The following MAP2K5 variants were observed in gnomAD, a reference collection of about 807,000 sequenced individuals.
The protein encoded by MAP2K5 is dual specificity mitogen-activated protein kinase kinase 5.
A neutral mutation model predicts 83.1 loss-of-function variants in MAP2K5; 49 were observed. That is an observed-to-expected ratio of 0.59 (90% CI 0.47 to 0.75). The LOEUF (loss-of-function observed/expected upper bound fraction) is 0.75, where lower values mean the gene tolerates loss of function less well. Among genes scored for constraint, MAP2K5 ranks in the 30% least tolerant of loss-of-function variants. The pLI, the probability that MAP2K5 is intolerant of heterozygous loss-of-function variation, is 0.00. For synonymous variants in MAP2K5, 202 were observed against 191.8 expected, an observed-to-expected ratio of 1.05 and a Z score of -0.44; for missense variants, 457 against 557.5, an observed-to-expected ratio of 0.82 and a Z score of 1.82.
In MAP2K5 at chr15:67,748,653, G is replaced by A; in HGVS notation, c.1134+52G>A. The A allele has an allele frequency of 6.4e-7, 1 of 1,560,122 alleles. No homozygotes were observed. The highest frequency in any genetic ancestry group is 8.8e-7 in the Non-Finnish European group (1 of 1,135,912). Reference sequence around the variant, plus strand: ...CTCCTAAAGTCATTCCTAATGGTGTGGAAAGCTTATATTTTGTTTCCTAAT... The same window carrying A: ...CTCCTAAAGTCATTCCTAATGGTGTAGAAAGCTTATATTTTGTTTCCTAAT... On this transcript the variant is annotated intron_variant, in intron 19 of 21. Coordinates refer to ENST00000178640, the MANE Select transcript of MAP2K5 (RefSeq NM_145160.3). The surrounding 1 kb of genome is among the most constrained non-coding windows in gnomAD (Gnocchi z 4.0).
At position 67,748,326 on chromosome 15, in the gene MAP2K5, G is replaced by A; in HGVS notation, c.1101+69G>A. 3 of 1,328,712 alleles carry A rather than the reference G, an allele frequency of 2.3e-6. No individual in the cohort carries two copies. Among genetic ancestry groups the A allele is most frequent in the Non-Finnish European group, 2.2e-6 (2 of 925,874 alleles). 82.3% of individuals were successfully genotyped at this position (1,328,712 alleles called of 1,614,324 possible). On this transcript the variant is annotated intron_variant, in intron 18 of 21. Transcript: ENST00000178640. This position sits in a 1 kb window ranked among gnomAD's most constrained non-coding sequence, Gnocchi z 4.0. Reference sequence around the variant, plus strand: ...TGATGGCTGCTTCCTTTGCATGCTTGAATGCCTTGTTTTAAACTTAGCAAA... The same window carrying A: ...TGATGGCTGCTTCCTTTGCATGCTTAAATGCCTTGTTTTAAACTTAGCAAA...
intron 9 of MAP2K5, among the ~76,000 whole-genome samples, chr15:67,631,500 T>C (rs1297366476): frequency 1.3e-5 from 2 of 152,316 alleles, no homozygotes; most frequent in East Asian, 3.9e-4. Context: ...TCTTGCTGAC[T>C]GCCTTCCTCA....
chr15:67,614,408 T>G (rs1012932394), intron 8 of MAP2K5, among the ~76,000 whole-genome samples: 11 of 152,216 alleles, frequency 7.2e-5, no homozygotes, highest in Admixed American at 5.2e-4. Context: ...TCCCAGAAAC[T>G]GTGAGCAAAG....
At chr15:67,618,980 G>A (rs1206859720) in intron 8 of MAP2K5, among the ~76,000 whole-genome samples, 1 of 152,106 alleles carries the variant, frequency 6.6e-6, no homozygotes. Flanking sequence ...TGGAATAAAA[G>A]TCAGAGTCCT....
chr15:67,659,423 C>T (rs978054228), intron 12 of MAP2K5: 2 of 152,246 alleles, frequency 1.3e-5, no homozygotes, highest in Non-Finnish European at 2.9e-5. Flanking sequence ...TTTAATCGAA[C>T]ATGGACACTT....
In MAP2K5 at chr15:67,644,102, G is replaced by C. The variant is rs546518232; in HGVS notation, c.586-2129G>C. ...CTATTCTCATCACTGCCTTTTAAAA[G>C]TAAAAAACAAGCTGGGCACGGTGGC... On this transcript the variant is annotated intron_variant, in intron 9 of 21. Transcript: ENST00000178640. This position sits in a 1 kb window ranked among gnomAD's most constrained non-coding sequence, Gnocchi z 4.6. Among the ~76,000 whole-genome samples the C allele has an allele frequency of 2.4e-4, 37 of 152,190 alleles. 1 individual carries two copies. In the South Asian group the frequency reaches 7.5e-3, roughly 31 times the overall value.
intron 17 of MAP2K5, among the ~76,000 whole-genome samples, chr15:67,744,428 T>C (rs1215817598): frequency 2.0e-5 from 3 of 152,214 alleles, no homozygotes; most frequent in Non-Finnish European, 2.9e-5. Context: ...GCAGTAAATA[T>C]GTAAAGAGAA....
chr15:67,703,493 C>A, intron 16 of MAP2K5, 85 bp downstream of exon 16: 1 of 1,116,380 alleles, frequency 9.0e-7, no homozygotes, highest in Non-Finnish European at 1.3e-6. Flanking sequence ...AAAGAATAAG[C>A]TAAAATAAAC....
At position 67,703,320 on chromosome 15, in the gene MAP2K5, C is replaced by A. The variant is rs932670008; in HGVS notation, c.973-17C>A. 6.2e-7 allele frequency: 1 copy of A among 1,605,016 alleles called. No individual in the cohort carries two copies. Among genetic ancestry groups the A allele is most frequent in the South Asian group, 1.1e-5 (1 of 90,772 alleles). ...TAGCATCCGTCCACTCACAGGCTCC[C>A]TTCTGATTTCTTGCAGCCTGAAAGG... On this transcript the variant is annotated splice_polypyrimidine_tract_variant and intron_variant, in intron 15 of 21. Transcript: ENST00000178640.
intron 1 of MAP2K5, among the ~76,000 whole-genome samples, chr15:67,549,757 C>T (rs1275782473): frequency 1.3e-5 from 2 of 152,132 alleles, no homozygotes. Flanking sequence ...TTTGTAAATA[C>T]ATGACGGTTT....
At chr15:67,643,739 G>A (rs899262155) in intron 9 of MAP2K5, among the ~76,000 whole-genome samples, 9 of 152,020 alleles carry the variant, frequency 5.9e-5, no homozygotes, top group East Asian at 1.9e-4. Flanking sequence ...GTGAGCCACC[G>A]CGCCCAGCTG....
At chr15:67,589,230 G>C (rs968012167) in intron 6 of MAP2K5, among the ~76,000 whole-genome samples, 1 of 152,118 alleles carries the variant, frequency 6.6e-6, no homozygotes, top group African/African-American at 2.4e-5. Flanking sequence ...GTGAGTCACA[G>C]AGAAATTGCC....
At position 67,592,161 on chromosome 15, in the gene MAP2K5, G is replaced by T. The variant is rs912634258; in HGVS notation, c.432-765G>T. ...GGACTTTCACTAAATTCATCCATAT[G>T]AGTGTTAACATAGTCATATATGTTC... is the stretch of plus-strand genomic sequence containing the variant. On this transcript the variant is annotated intron_variant, in intron 6 of 21. Transcript: ENST00000178640. 2.1e-5 allele frequency among the ~76,000 whole-genome samples: 3 copies of T among 146,068 alleles called. No homozygotes were observed. In the East Asian group the frequency reaches 6.1e-4, roughly 30 times the overall value.
At chr15:67,632,406 G>C (rs1427702933) in intron 9 of MAP2K5, among the ~76,000 whole-genome samples, 1 of 152,158 alleles carries the variant, frequency 6.6e-6, no homozygotes, top group East Asian at 1.9e-4. Context: ...AGCTATGCTA[G>C]ATGTTTTATA....
In MAP2K5 at chr15:67,636,657, T is replaced by G. The variant is rs937471061; in HGVS notation, c.585+5730T>G. On this transcript the variant is annotated intron_variant, in intron 9 of 21. Coordinates refer to ENST00000178640, the MANE Select transcript of MAP2K5 (RefSeq NM_145160.3). This position sits in a 1 kb window ranked among gnomAD's most constrained non-coding sequence, Gnocchi z 4.7. ...CAGAGCAGCTATGCCTTATAATTTT[T>G]TATTGGATACCAGACATGTGGCATG... 3.3e-5 allele frequency among the ~76,000 whole-genome samples: 5 copies of G among 152,198 alleles called. No homozygotes were observed. The highest frequency in any genetic ancestry group is 9.7e-5 in the African/African-American group (4 of 41,446).
rs538965485 is a variant in MAP2K5, at chr15:67,750,848, G to A, written c.1134+2247G>A. The stretch of plus-strand genomic sequence containing the variant: ...ACTGCTTGGGAGTGGGATTTACCCC[G>A]TTGTGAAGTGGGTATCTGTTGCTAG... On this transcript the variant is annotated intron_variant, in intron 19 of 21. Transcript: ENST00000178640. The surrounding 1 kb of genome is among the most constrained non-coding windows in gnomAD (Gnocchi z 4.2). Among the ~76,000 whole-genome samples the A allele has an allele frequency of 3.9e-5, 6 of 152,144 alleles. No individual in the cohort carries two copies. In the East Asian group the frequency reaches 9.7e-4, roughly 25 times the overall value.
intron 19 of MAP2K5, among the ~76,000 whole-genome samples, chr15:67,763,575 GGTTTGAAGATTA>G (rs967856612): frequency 1.3e-5 from 2 of 151,958 alleles, no homozygotes; most frequent in Non-Finnish European, 2.9e-5. Flanking sequence ...GGTTGTTTTT[GGTTTGAAGATTA>G]GCTTCTATGG....
At chr15:67,797,603 T>C (rs932267618) in intron 21 of MAP2K5, among the ~76,000 whole-genome samples, 2 of 152,232 alleles carry the variant, frequency 1.3e-5, no homozygotes, top group African/African-American at 4.8e-5. Context: ...ATTTTCACTA[T>C]AGTTTTTCTA....
At chr15:67,754,930 G>A (rs188974463) in intron 19 of MAP2K5, among the ~76,000 whole-genome samples, 37 of 152,214 alleles carry the variant, frequency 2.4e-4, no homozygotes, top group African/African-American at 8.4e-4. Context: ...GTGGGTAGTA[G>A]GAGAAATGAG....
Sources: gnomAD v4.1 joint callset for allele counts (sites outside exome capture counted in the v4.1 genomes callset) on GRCh38, gnomAD v4.1.1 for gene constraint, Gnocchi (gnomAD v3.1) non-coding constraint, MANE v1.5 for transcripts, NCBI Gene and HGNC (gene_info 2026-07-23, HGNC 2026-07-21) for gene names.